The following ZNF730 variants were observed in gnomAD, a reference collection of about 807,000 sequenced individuals.
The protein encoded by ZNF730 is zinc finger protein 730.
ZNF730 carries 12 observed loss-of-function variants against 12.6 expected under a neutral mutation model. The ratio of observed to expected loss-of-function variants is 0.95; its 90% CI spans 0.61 to 1.54. ZNF730 has a LOEUF of 1.54. ZNF730 is among the 40% of genes most tolerant of loss of function. ZNF730 has a pLI of 0.00. For synonymous variants in ZNF730, 194 were observed against 195.8 expected, an observed-to-expected ratio of 0.99 and a Z score of 0.08; for missense variants, 643 against 583.5, an observed-to-expected ratio of 1.10 and a Z score of -1.05.
intron 1 of ZNF730, among the ~76,000 whole-genome samples, chr19:23,119,207 T>C (rs1464225578): frequency 2.0e-5 from 3 of 152,224 alleles, no homozygotes; most frequent in African/African-American, 7.2e-5. Context: ...TTTGAACTAT[T>C]TGCCTTCAAT....
At chr19:23,100,259 G>A (rs1599578405) in intron 1 of ZNF730, 1 of 152,136 alleles carries the variant, frequency 6.6e-6, no homozygotes, top group African/African-American at 2.4e-5. Context: ...TGTGCTTGCT[G>A]TCTACCCATG....
intron 1 of ZNF730, among the ~76,000 whole-genome samples, chr19:23,107,834 C>T (rs761109482): frequency 1.3e-5 from 2 of 151,850 alleles, no homozygotes; most frequent in African/African-American, 4.8e-5. Flanking sequence ...ATTAAAGCCC[C>T]ACCCCTTGGG....
chr19:23,128,189 C>T, intron 1 of ZNF730: 1 of 811,156 alleles, frequency 1.2e-6, no homozygotes, highest in Non-Finnish European at 2.1e-6. Context: ...TTGTCTATCC[C>T]TCACAGTACC....
intron 1 of ZNF730, among the ~76,000 whole-genome samples, chr19:23,111,339 T>C (rs1970458913): frequency 6.6e-6 from 1 of 152,220 alleles, no homozygotes; most frequent in African/African-American, 2.4e-5. Flanking sequence ...AAAAGTTTTC[T>C]CATGCAAGAG....
intron 3 of ZNF730, among the ~76,000 whole-genome samples, chr19:23,141,063 G>C (rs936389228): frequency 1.3e-5 from 2 of 151,756 alleles, no homozygotes; most frequent in African/African-American, 4.8e-5. Flanking sequence ...CAAAATTTGA[G>C]ACCAGCCCAA....
chr19:23,119,413 G>A (rs1431000543), intron 1 of ZNF730, among the ~76,000 whole-genome samples: 3 of 152,204 alleles, frequency 2.0e-5, no homozygotes, highest in Admixed American at 2.0e-4. Context: ...GCTTTTTAAT[G>A]TGCTGCTGGA....
chr19:23,085,836 C>T (rs140083911), intron 1 of ZNF730, among the ~76,000 whole-genome samples: 1,939 of 53,368 alleles, frequency 0.036, 25 homozygotes, highest in African/African-American at 0.079. Context: ...ATTTTTTTTT[C>T]TTTTTTTTTT....
At chr19:23,094,349 T>A (rs940480376) in intron 1 of ZNF730, among the ~76,000 whole-genome samples, 2 of 147,264 alleles carry the variant, frequency 1.4e-5, no homozygotes, top group Non-Finnish European at 3.0e-5. Context: ...TGAGCCACCA[T>A]GCCTGGCTCT....
At chr19:23,104,136 ACT>A (rs1317445376) in intron 1 of ZNF730, among the ~76,000 whole-genome samples, 1 of 151,804 alleles carries the variant, frequency 6.6e-6, no homozygotes. Flanking sequence ...TGAAACCCAG[ACT>A]CTACTAAAAA....
rs913464381 is a variant in ZNF730 at position 23,117,218 on chromosome 19, T to C, written c.3+42T>C. The C allele has an allele frequency of 1.9e-6, 3 of 1,613,530 alleles. No individual in the cohort carries two copies. In the Admixed American group the frequency reaches 5.0e-5, roughly 27 times the overall value. ...GACATCCCGAGAGAGGGAACGGGGC[T>C]GGTTGGAACCGGTGGGAAGCGGCTG... On this transcript the variant is annotated intron_variant, in intron 1 of 3. Coordinates refer to ENST00000597761, the MANE Select transcript of ZNF730 (RefSeq NM_001277403.2).
At chr19:23,127,320 T>C in intron 1 of ZNF730, 2 of 686,306 alleles carry the variant, frequency 2.9e-6, no homozygotes, top group Non-Finnish European at 5.4e-6. Context: ...TTTAAATATT[T>C]TCTCAAAATA....
upstream of ZNF730, among the ~76,000 whole-genome samples, chr19:23,112,075 C>G (rs559280773): frequency 9.9e-5 from 15 of 152,264 alleles, no homozygotes; most frequent in South Asian, 1.9e-3. Context: ...GAGATTGAGT[C>G]TGCCTGCCAT....
chr19:23,106,599 C>G (rs1248672622), intron 1 of ZNF730, among the ~76,000 whole-genome samples: 1 of 151,826 alleles, frequency 6.6e-6, no homozygotes, highest in Admixed American at 6.6e-5. Context: ...TGAGACTAGC[C>G]TGACCAACAT....
At chr19:23,144,383 G>A (rs1970972188) in intron 3 of ZNF730, 1 of 152,090 alleles carries the variant, frequency 6.6e-6, no homozygotes, top group Non-Finnish European at 1.5e-5. Context: ...TTTGCTTTTA[G>A]TTAAAGGAGT....
At chr19:23,141,320 A>G (rs1170472420) in intron 3 of ZNF730, among the ~76,000 whole-genome samples, 4 of 151,956 alleles carry the variant, frequency 2.6e-5, no homozygotes, top group Non-Finnish European at 4.4e-5. Context: ...ACTTGAACCC[A>G]GGAGGCAGAG....
upstream of ZNF730, among the ~76,000 whole-genome samples, chr19:23,116,536 A>T (rs1970526417): frequency 6.9e-6 from 1 of 145,346 alleles, no homozygotes; most frequent in Non-Finnish European, 1.5e-5. Flanking sequence ...CCTCCCGAGT[A>T]GCTGGGATTA....
At chr19:23,083,314 C>T (rs1179380552) in intron 1 of ZNF730, among the ~76,000 whole-genome samples, 1 of 151,934 alleles carries the variant, frequency 6.6e-6, no homozygotes, top group Non-Finnish European at 1.5e-5. Context: ...GTCCCAGCTA[C>T]TCGGGAGGCT....
intron 3 of ZNF730, among the ~76,000 whole-genome samples, chr19:23,142,431 C>G (rs1970935408): frequency 1.3e-5 from 2 of 149,154 alleles, no homozygotes; most frequent in Admixed American, 6.7e-5. Flanking sequence ...CTCCTGTAAT[C>G]CCAGTACTTT....
At chr19:23,105,953 A>G (rs910218699) in intron 1 of ZNF730, among the ~76,000 whole-genome samples, 2 of 152,238 alleles carry the variant, frequency 1.3e-5, no homozygotes, top group African/African-American at 4.8e-5. Flanking sequence ...AAGGCTACAT[A>G]TTACATGATC....
Sources: gnomAD v4.1 joint callset for allele counts (sites outside exome capture counted in the v4.1 genomes callset) on GRCh38, gnomAD v4.1.1 for gene constraint, MANE v1.5 for transcripts, NCBI Gene and HGNC (gene_info 2026-07-23, HGNC 2026-07-21) for gene names.